The following GNB1L variants were observed in gnomAD, a reference collection of about 807,000 sequenced individuals.
GNB1L encodes guanine nucleotide-binding protein subunit beta-like protein 1.
Under a neutral mutation model 29.1 loss-of-function variants are expected in GNB1L, and 20 were observed. The ratio of observed to expected loss-of-function variants is 0.69; its 90% CI spans 0.48 to 1.00. GNB1L has a LOEUF of 1.00. Among genes scored for constraint, GNB1L ranks in the 50% least tolerant of loss-of-function variants. The pLI, the probability that GNB1L is intolerant of heterozygous loss-of-function variation, is 0.00. For synonymous variants in GNB1L, 193 were observed against 206.5 expected, an observed-to-expected ratio of 0.93 and a Z score of 0.56; for missense variants, 421 against 464.9, an observed-to-expected ratio of 0.91 and a Z score of 0.87.
chr22:19,849,172 G>A, intron 2 of GNB1L: 1 of 985,370 alleles, frequency 1.0e-6, no homozygotes, highest in Non-Finnish European at 1.2e-6. Flanking sequence ...CACTTGCTTT[G>A]CTACCAGGGC....
At chr22:19,800,082 G>T (rs1721645948) in intron 7 of GNB1L, among the ~76,000 whole-genome samples, 3 of 152,234 alleles carry the variant, frequency 2.0e-5, no homozygotes. Flanking sequence ...ACCACTCCCT[G>T]TTCCTGGTTC....
At chr22:19,826,177 A>T (rs191698193) in intron 2 of GNB1L, among the ~76,000 whole-genome samples, 151 of 152,164 alleles carry the variant, frequency 9.9e-4, no homozygotes, top group African/African-American at 3.5e-3. Flanking sequence ...ATGGTGGCTA[A>T]CCTCCTAGGA....
intron 2 of GNB1L, chr22:19,850,692 G>C: frequency 8.1e-7 from 1 of 1,231,868 alleles, no homozygotes; most frequent in Non-Finnish European, 1.0e-6. Context: ...GAAGTCACAG[G>C]GAGCAGAGAG....
intron 2 of GNB1L, among the ~76,000 whole-genome samples, chr22:19,834,101 T>G (rs1391039091): frequency 2.6e-5 from 4 of 152,010 alleles, no homozygotes; most frequent in African/African-American, 9.7e-5. Context: ...AAATAATGCC[T>G]GAAATTTCAC....
At chr22:19,821,464 TG>T (rs989876341) in intron 2 of GNB1L, 89 bp from the exon 3 acceptor site, 3 of 1,294,864 alleles carry the variant, frequency 2.3e-6, no homozygotes, top group African/African-American at 1.5e-5. Flanking sequence ...CTTGAGATGT[TG>T]CCCCTGCTCA....
intron 4 of GNB1L, among the ~76,000 whole-genome samples, chr22:19,817,514 A>G (rs1166386203): frequency 6.6e-6 from 1 of 152,178 alleles, no homozygotes; most frequent in Non-Finnish European, 1.5e-5. Flanking sequence ...AAAAGAAAAC[A>G]GCGACAGCTG....
rs761534882 is a variant in GNB1L, at chr22:19,821,345, G to A, written c.11C>T (p.Pro4Leu). The A allele has an allele frequency of 4.3e-6, 7 of 1,612,480 alleles. No homozygotes were observed. Among genetic ancestry groups the A allele is most frequent in the Middle Eastern group, 1.7e-4 (1 of 6,056 alleles). Reference protein sequence around the residue: MTAPCPPPPPDPQF... With the variant: MTALCPPPPPDPQF... ...GGGGTCTGGAGGTGGCGGCGGGCAG[G>A]GGGCCGTCATGCTGGGCAGGATGCA... Residue 4 changes from proline (P) to leucine (L), a missense_variant, in exon 3 of 8, where the codon CCC (proline) becomes CTC (leucine). Transcript: ENST00000329517.
intron 2 of GNB1L, among the ~76,000 whole-genome samples, chr22:19,844,373 C>G (rs757222296): frequency 3.3e-5 from 5 of 152,250 alleles, no homozygotes; most frequent in African/African-American, 1.2e-4. Context: ...ACCCACCACG[C>G]TGGCAGGGGG....
At chr22:19,849,667 A>C in intron 2 of GNB1L, 1 of 985,030 alleles carries the variant, frequency 1.0e-6, no homozygotes, top group South Asian at 4.7e-5. Flanking sequence ...GCTCCCGGCC[A>C]GTTTCTGAAT....
intron 4 of GNB1L, among the ~76,000 whole-genome samples, chr22:19,820,389 G>A (rs964648469): frequency 6.6e-6 from 1 of 152,216 alleles, no homozygotes; most frequent in African/African-American, 2.4e-5. Flanking sequence ...GGGTCCAGTG[G>A]AGATGGTGGA....
At chr22:19,807,652 C>G (rs573798377) in intron 5 of GNB1L, among the ~76,000 whole-genome samples, 1 of 152,224 alleles carries the variant, frequency 6.6e-6, no homozygotes, top group Admixed American at 6.5e-5. Context: ...GCCTGGCATA[C>G]ATGGGGCATC....
chr22:19,803,129 G>A (rs1004832111), intron 6 of GNB1L, among the ~76,000 whole-genome samples: 5 of 152,200 alleles, frequency 3.3e-5, no homozygotes, highest in African/African-American at 7.2e-5. Flanking sequence ...AGCCAGGCCC[G>A]GAGCCCGAGG....
At chr22:19,822,452 C>T (rs1937587307) in intron 2 of GNB1L, among the ~76,000 whole-genome samples, 1 of 152,252 alleles carries the variant, frequency 6.6e-6, no homozygotes, top group African/African-American at 2.4e-5. Flanking sequence ...ACCTCAGCCC[C>T]ACAGCTGGCT....
rs186485570 is a variant in GNB1L at position 19,827,243 on chromosome 22, A to G, written c.-20-5868T>C. 6.1e-4 allele frequency among the ~76,000 whole-genome samples: 93 copies of G among 152,332 alleles called. 1 individual carries two copies. Among genetic ancestry groups the G allele is most frequent in the Admixed American group, 2.3e-3 (35 of 15,292 alleles). On this transcript the variant is annotated intron_variant, in intron 2 of 7. Coordinates refer to ENST00000329517, the MANE Select transcript of GNB1L (RefSeq NM_053004.3). The stretch of plus-strand genomic sequence containing the variant: ...GGGGTGAAATGCTATAATGTCTACA[A>G]TCTGCTTTCAAATGTTTCAAAAAAA...
chr22:19,832,481 C>A (rs1937696685), intron 2 of GNB1L, among the ~76,000 whole-genome samples: 1 of 152,174 alleles, frequency 6.6e-6, no homozygotes, highest in Non-Finnish European at 1.5e-5. Context: ...TGGGGTGCTG[C>A]CCTACAGTTG....
chr22:19,795,401 G>A (rs1274907950), intron 7 of GNB1L, among the ~76,000 whole-genome samples: 3 of 151,826 alleles, frequency 2.0e-5, no homozygotes, highest in Non-Finnish European at 4.4e-5. Context: ...CTGGAACCAC[G>A]TCCACTGACC....
intron 3 of GNB1L, 104 bp downstream of exon 3, chr22:19,821,124 A>G (rs1238962875): frequency 1.9e-5 from 23 of 1,197,784 alleles, no homozygotes; most frequent in East Asian, 2.3e-5. Flanking sequence ...CGAGCAGTCC[A>G]TGCCCCTTGG....
intron 2 of GNB1L, among the ~76,000 whole-genome samples, chr22:19,844,487 A>T (rs1937919315): frequency 6.6e-6 from 1 of 152,240 alleles, no homozygotes; most frequent in Non-Finnish European, 1.5e-5. Context: ...CCAGCTCCAC[A>T]GTCAGCAGGG....
intron 7 of GNB1L, 139 bp downstream of exon 7, chr22:19,801,862 A>G: frequency 1.4e-6 from 1 of 716,240 alleles, no homozygotes; most frequent in Non-Finnish European, 2.3e-6. Context: ...AGCCATGGAC[A>G]GCCCCCCTGC....
Sources: gnomAD v4.1 joint callset for allele counts (sites outside exome capture counted in the v4.1 genomes callset) on GRCh38, gnomAD v4.1.1 for gene constraint, MANE v1.5 for transcripts, NCBI Gene and HGNC (gene_info 2026-07-23, HGNC 2026-07-21) for gene names.